The following MAGI2 variants were observed in gnomAD, a reference collection of about 807,000 sequenced individuals.
MAGI2 encodes membrane-associated guanylate kinase, WW and PDZ domain-containing protein 2.
Under a neutral mutation model 133.3 loss-of-function variants are expected in MAGI2, and 35 were observed. That is an observed-to-expected ratio of 0.26 (90% CI 0.20 to 0.35). MAGI2 has a LOEUF of 0.35. Among genes scored for constraint, MAGI2 ranks in the 10% least tolerant of loss-of-function variants. MAGI2 has a pLI of 1.00. For synonymous variants in MAGI2, 729 were observed against 710.6 expected, an observed-to-expected ratio of 1.03 and a Z score of -0.41; for missense variants, 1,636 against 1,863.4, an observed-to-expected ratio of 0.88 and a Z score of 2.25.
intron 1 of MAGI2, among the ~76,000 whole-genome samples, chr7:79,402,610 C>T (rs1338501633): frequency 2.0e-5 from 3 of 152,008 alleles, no homozygotes; most frequent in Admixed American, 6.6e-5. Context: ...TTTAATAAAC[C>T]TAGTATTTTA....
chr7:78,019,807 G>T lies in MAGI2; in HGVS notation c.3876C>A (p.His1292Gln). Residue 1292 changes from histidine to glutamine, a missense_variant, in exon 22 of 22, where the codon CAC becomes CAA. His to Gln is a conservative substitution (Grantham distance 24, BLOSUM62 0). Around this residue, in one of 5 missense-constraint regions of MAGI2, gnomAD observed 354 missense variants for 298.7 expected, o/e 1.19. Coordinates refer to ENST00000354212, the MANE Select transcript of MAGI2 (RefSeq NM_012301.4). ...PGPTWDIKRE[H>Q]DVRKPKELSA... Reference sequence around the variant, plus strand: ...AAAGCTCCTTTGGTTTCCTAACGTCGTGTTCCCGTTTGATATCCCAAGTTG... The same window carrying T: ...AAAGCTCCTTTGGTTTCCTAACGTCTTGTTCCCGTTTGATATCCCAAGTTG... 1 of 1,613,332 alleles carries T rather than the reference G, an allele frequency of 6.2e-7. No homozygotes were observed. The highest frequency in any genetic ancestry group is 8.5e-7 in the Non-Finnish European group (1 of 1,179,884).
intron 15 of MAGI2, among the ~76,000 whole-genome samples, 187 bp from the exon 16 acceptor site, chr7:78,160,460 C>T (rs1824863001): frequency 6.6e-6 from 1 of 152,212 alleles, no homozygotes; most frequent in South Asian, 2.1e-4. Context: ...CAAGGTCTTG[C>T]TCAGTCCTAG....
chr7:79,229,362 G>C lies in MAGI2; in HGVS notation c.302-222156C>G, dbSNP rs532600727. On this transcript the variant is annotated intron_variant, in intron 1 of 21. Transcript: ENST00000354212. ...AGTGAAGAACAGGACAAAACAATTAGCAGTGAAAATAAGGAATACAGCCTT... is the reference window on the plus strand; with the variant it reads ...AGTGAAGAACAGGACAAAACAATTACCAGTGAAAATAAGGAATACAGCCTT... Among the ~76,000 whole-genome samples the C allele has an allele frequency of 1.4e-3, 211 of 152,240 alleles. 5 individuals carry two copies. In the South Asian group the frequency reaches 0.042, roughly 30 times the overall value.
chr7:78,712,512 C>CT (rs1271900167), intron 2 of MAGI2, among the ~76,000 whole-genome samples: 5 of 152,126 alleles, frequency 3.3e-5, no homozygotes, highest in Non-Finnish European at 5.9e-5. Flanking sequence ...AGTATCTTTG[C>CT]TTTTTTATCA....
chr7:78,209,045 A>G lies in MAGI2; in HGVS notation c.2048-7852T>C, dbSNP rs533138349. On this transcript the variant is annotated intron_variant, in intron 10 of 21. Transcript: ENST00000354212. ...AGACCATCTGGGCTAACACGGTGAA[A>G]CCCTGTCTCTACTAAAAATACAAAA... 5.5e-4 allele frequency among the ~76,000 whole-genome samples: 80 copies of G among 145,338 alleles called. 1 individual carries two copies. Among genetic ancestry groups the G allele is most frequent in the African/African-American group, 1.9e-3 (76 of 39,698 alleles).
chr7:78,649,772 G>C (rs1381658076), intron 2 of MAGI2, among the ~76,000 whole-genome samples: 1 of 152,134 alleles, frequency 6.6e-6, no homozygotes, highest in Non-Finnish European at 1.5e-5. Context: ...ATGCAGCCAA[G>C]TGGTGAGCTT....
At chr7:79,289,024 C>T (rs897490632) in intron 1 of MAGI2, among the ~76,000 whole-genome samples, 12 of 152,040 alleles carry the variant, frequency 7.9e-5, no homozygotes, top group Admixed American at 3.9e-4. Context: ...TCAAATTTAC[C>T]GACCCCTGGC....
chr7:78,955,761 C>CT (rs1554310381), intron 2 of MAGI2, among the ~76,000 whole-genome samples: 3 of 70,412 alleles, frequency 4.3e-5, no homozygotes, highest in South Asian at 9.1e-4. Context: ...TTCTTTCTTT[C>CT]TTTCTTTCTT....
At chr7:78,287,780 T>C (rs1448354958) in intron 9 of MAGI2, among the ~76,000 whole-genome samples, 1 of 152,208 alleles carries the variant, frequency 6.6e-6, no homozygotes, top group African/African-American at 2.4e-5. Flanking sequence ...AAAGTGTTTT[T>C]CTTTTTTCCT....
intron 9 of MAGI2, among the ~76,000 whole-genome samples, chr7:78,298,224 CAAG>C (rs1797484370): frequency 6.6e-6 from 1 of 152,026 alleles, no homozygotes; most frequent in Admixed American, 6.6e-5. Context: ...TCATCAAAAA[CAAG>C]AAAAGTCTAA....
intron 1 of MAGI2, among the ~76,000 whole-genome samples, chr7:79,103,926 C>A (rs4451243): frequency 0.68 from 103,595 of 151,846 alleles, 38,103 homozygotes; most frequent in Non-Finnish European, 0.83. Flanking sequence ...TGGTCTCGAT[C>A]TCCTGACCTC....
intron 1 of MAGI2, among the ~76,000 whole-genome samples, chr7:79,157,889 T>C (rs957382760): frequency 4.0e-5 from 6 of 149,358 alleles, no homozygotes; most frequent in Non-Finnish European, 7.4e-5. Context: ...AGTTAATTTG[T>C]ATTTATGTCA....
chr7:78,626,816 GA>G (rs1200262590), intron 3 of MAGI2, among the ~76,000 whole-genome samples: 1 of 124,800 alleles, frequency 8.0e-6, no homozygotes, highest in African/African-American at 3.3e-5. Context: ...ACAAGCACAA[GA>G]ATACTTCAAT....
intron 2 of MAGI2, among the ~76,000 whole-genome samples, chr7:78,969,224 G>C (rs924305079): frequency 5.3e-5 from 8 of 150,894 alleles, no homozygotes; most frequent in African/African-American, 1.9e-4. Flanking sequence ...AGGAGGGCCA[G>C]TCTTTTCTCG....
At chr7:78,996,872 A>C (rs967020846) in intron 2 of MAGI2, among the ~76,000 whole-genome samples, 23 of 152,322 alleles carry the variant, frequency 1.5e-4, no homozygotes, top group Admixed American at 1.4e-3. Context: ...CAAAATTAAA[A>C]GTCTAGCTAG....
intron 1 of MAGI2, among the ~76,000 whole-genome samples, chr7:79,334,839 A>G (rs1004773352): frequency 3.3e-5 from 5 of 152,176 alleles, no homozygotes; most frequent in South Asian, 4.1e-4. Context: ...CTATCCATCT[A>G]TCCATCTTCA....
At chr7:79,452,766 G>A in intron 1 of MAGI2, 1 of 484,096 alleles carries the variant, frequency 2.1e-6, no homozygotes, top group Non-Finnish European at 3.6e-6. Flanking sequence ...GTCAGACCAG[G>A]CCGAGCACCT....
chr7:78,540,488 G>A (rs1484450353), intron 3 of MAGI2, among the ~76,000 whole-genome samples: 1 of 152,128 alleles, frequency 6.6e-6, no homozygotes, highest in Non-Finnish European at 1.5e-5. Context: ...CTGACATCTT[G>A]CCCCAGGCGA....
chr7:78,419,403 G>GTGTC (rs1443417974), intron 6 of MAGI2, among the ~76,000 whole-genome samples: 1 of 151,680 alleles, frequency 6.6e-6, no homozygotes, highest in Non-Finnish European at 1.5e-5. Flanking sequence ...CCGAGCTTGT[G>GTGTC]TGTGTGTGTG....
Sources: allele counts gnomAD v4.1 joint callset (sites outside exome capture counted in the v4.1 genomes callset), GRCh38; gene constraint gnomAD v4.1.1; regional missense constraint gnomAD v4.1.1; transcripts MANE v1.5; gene names NCBI Gene and HGNC (gene_info 2026-07-23, HGNC 2026-07-21).